The following SYN3 variants were observed in gnomAD, a reference collection of about 807,000 sequenced individuals.
SYN3 encodes synapsin III.
A neutral mutation model predicts 65.8 loss-of-function variants in SYN3; 35 were observed. The ratio of observed to expected loss-of-function variants is 0.53; its 90% confidence interval spans 0.41 to 0.70. SYN3 has a LOEUF of 0.70. Ranked by LOEUF, SYN3 falls within the 30% of genes least tolerant of loss-of-function variation. The pLI is 0.00. For synonymous variants in SYN3, 270 were observed against 292.9 expected (o/e 0.92, Z 0.80); for missense variants, 680 against 749.0 (o/e 0.91, Z 1.08).
chr22:32,675,240 G>T lies in SYN3; in HGVS notation c.712-78504C>A, dbSNP rs1055777526. ...CAGTCAGCAGGAAGTATCATCTTGT[G>T]GGTTTGTTAATTTACCATCCACCTG... On this transcript the variant is annotated intron_variant, in intron 6 of 13. Coordinates refer to ENST00000358763, the MANE Select transcript of SYN3 (RefSeq NM_003490.4). Among the ~76,000 whole-genome samples the T allele has an allele frequency of 5.3e-5, 8 of 152,176 alleles. No individual in the cohort carries two copies. The East Asian group carries it at 1.5e-3, about 29-fold the overall frequency.
chr22:33,052,301 C>T (rs1315612152), intron 1 of SYN3, among the ~76,000 whole-genome samples: 1 of 152,144 alleles, frequency 6.6e-6, no homozygotes. Flanking sequence ...TTCAGAGGGA[C>T]CTGGGGCTGT....
intron 3 of SYN3, among the ~76,000 whole-genome samples, chr22:32,974,461 G>A (rs2052120867): frequency 6.6e-6 from 1 of 152,216 alleles, no homozygotes; most frequent in South Asian, 2.1e-4. Context: ...AGAGTAGACT[G>A]GGACCTATCA....
At chr22:32,568,081 T>G (rs1014555801) in intron 7 of SYN3, among the ~76,000 whole-genome samples, 1 of 152,190 alleles carries the variant, frequency 6.6e-6, no homozygotes, top group Non-Finnish European at 1.5e-5. Flanking sequence ...TGTTAGAATC[T>G]TCCTGGAGTT....
At chr22:33,031,475 G>A (rs2053754559) in intron 1 of SYN3, among the ~76,000 whole-genome samples, 1 of 151,890 alleles carries the variant, frequency 6.6e-6, no homozygotes, top group African/African-American at 2.4e-5. Flanking sequence ...CCAAGCCACC[G>A]ACATCTCCCC....
At position 32,914,180 on chromosome 22, in the gene SYN3, C is replaced by G. The variant is rs541837695; in HGVS notation, c.461+17210G>C. Among the ~76,000 whole-genome samples the G allele has an allele frequency of 3.9e-5, 6 of 152,262 alleles. No individual in the cohort carries two copies. The South Asian group carries it at 1.2e-3, about 32-fold the overall frequency. Reference sequence around the variant, plus strand: ...TAAGAGAGAATCAAAAGATACAAACCTGAGCTAACAGAGGAAATGGGATGA... The same window carrying G: ...TAAGAGAGAATCAAAAGATACAAACGTGAGCTAACAGAGGAAATGGGATGA... On this transcript the variant is annotated intron_variant, in intron 4 of 13. Coordinates refer to ENST00000358763, the MANE Select transcript of SYN3 (RefSeq NM_003490.4).
At chr22:32,779,912 A>G (rs2045992821) in intron 6 of SYN3, among the ~76,000 whole-genome samples, 1 of 152,024 alleles carries the variant, frequency 6.6e-6, no homozygotes, top group Non-Finnish European at 1.5e-5. Context: ...GGGAGCAGGA[A>G]CAAAGCGCTC....
At position 33,044,412 on chromosome 22, in the gene SYN3, A is replaced by T. The variant is rs1388251521; in HGVS notation, c.-163+13880T>A. Reference sequence around the variant, plus strand: ...ATGGCAGGCCCCCTGTTAATAACTGAGGAGCTGATGAATTGCTTCAATCAC... The same window carrying T: ...ATGGCAGGCCCCCTGTTAATAACTGTGGAGCTGATGAATTGCTTCAATCAC... On this transcript the variant is annotated intron_variant, in intron 1 of 13. Transcript: ENST00000358763. Among the ~76,000 whole-genome samples the T allele has an allele frequency of 2.0e-5, 3 of 152,152 alleles. No individual in the cohort carries two copies. The East Asian group carries it at 5.8e-4, about 29-fold the overall frequency.
intron 4 of SYN3, among the ~76,000 whole-genome samples, chr22:32,896,688 C>T (rs911991878): frequency 1.1e-4 from 16 of 152,292 alleles, no homozygotes; most frequent in African/African-American, 3.4e-4. Context: ...GCTTTTAAAG[C>T]ATTTTCATGA....
intron 6 of SYN3, among the ~76,000 whole-genome samples, chr22:32,764,651 C>G (rs2045576359): frequency 6.6e-6 from 1 of 152,208 alleles, no homozygotes; most frequent in African/African-American, 2.4e-5. Flanking sequence ...ATATCCCAAA[C>G]TGGGGGAAGT....
At chr22:32,617,792 T>C (rs1452736225) in intron 6 of SYN3, among the ~76,000 whole-genome samples, 2 of 151,044 alleles carry the variant, frequency 1.3e-5, no homozygotes, top group East Asian at 3.9e-4. Context: ...GGAGGCAGGG[T>C]TAGGGAGAGG....
intron 6 of SYN3, among the ~76,000 whole-genome samples, chr22:32,628,605 G>A (rs879702728): frequency 2.0e-5 from 3 of 152,146 alleles, no homozygotes; most frequent in African/African-American, 7.2e-5. Context: ...AAATTTGGCC[G>A]GGCGTGGTGG....
intron 6 of SYN3, among the ~76,000 whole-genome samples, chr22:32,666,889 C>T (rs2147041431): frequency 6.6e-6 from 1 of 152,294 alleles, no homozygotes; most frequent in Middle Eastern, 3.4e-3. Context: ...TGAACCACCT[C>T]CCCACCTCGA....
At chr22:32,664,583 G>GTTTT (rs2060262427) in intron 6 of SYN3, among the ~76,000 whole-genome samples, 5 of 91,050 alleles carry the variant, frequency 5.5e-5, no homozygotes, top group South Asian at 3.1e-4. Flanking sequence ...TCAATTGGTC[G>GTTTT]CTTTTTTTTT....
intron 6 of SYN3, among the ~76,000 whole-genome samples, chr22:32,639,174 C>T (rs2059861019): frequency 6.6e-6 from 1 of 152,132 alleles, no homozygotes; most frequent in Non-Finnish European, 1.5e-5. Context: ...AGAATGGTCT[C>T]GATCTCCTGA....
intron 4 of SYN3, among the ~76,000 whole-genome samples, chr22:32,903,569 G>A (rs2049822691): frequency 1.3e-5 from 2 of 152,286 alleles, no homozygotes; most frequent in African/African-American, 2.4e-5. Flanking sequence ...CAAGCCATGC[G>A]CTTCGCACAT....
intron 7 of SYN3, among the ~76,000 whole-genome samples, chr22:32,572,582 T>C (rs1418608740): frequency 6.7e-6 from 1 of 148,350 alleles, no homozygotes; most frequent in Non-Finnish European, 1.5e-5. Context: ...TTCTCTTCTC[T>C]CTCTCTTTTT....
chr22:32,758,948 T>G (rs1705471073), intron 6 of SYN3, among the ~76,000 whole-genome samples: 1 of 151,534 alleles, frequency 6.6e-6, no homozygotes, highest in South Asian at 2.1e-4. Context: ...TTGCTTGTGA[T>G]GATAACCAAA....
chr22:32,859,695 A>T, intron 6 of SYN3: 7 of 336,046 alleles, frequency 2.1e-5, no homozygotes, highest in Middle Eastern at 9.1e-4. Context: ...GAAAACAAAA[A>T]TGAAAAACTA....
intron 6 of SYN3, among the ~76,000 whole-genome samples, chr22:32,830,246 A>T (rs539225484): frequency 1.3e-5 from 2 of 152,296 alleles, no homozygotes; most frequent in East Asian, 3.9e-4. Context: ...ACAAAACAGT[A>T]GTCACCGCTG....
Sources: allele counts gnomAD v4.1 joint callset (sites outside exome capture counted in the v4.1 genomes callset), GRCh38; gene constraint gnomAD v4.1.1; transcripts MANE v1.5; gene names NCBI Gene and HGNC (gene_info 2026-07-23, HGNC 2026-07-21).